Variants in TACR3 observed in about 807,000 individuals in gnomAD.
TACR3 encodes the protein tachykinin receptor 3.
TACR3 carries 34 observed loss-of-function variants against 35.0 expected under a neutral mutation model. The ratio of observed to expected loss-of-function variants is 0.97; its 90% CI spans 0.74 to 1.30. The LOEUF (loss-of-function observed/expected upper bound fraction) is 1.30, where lower values mean the gene tolerates loss of function less well. Among genes scored for constraint, TACR3 ranks in the 50% most tolerant of loss-of-function variants. The pLI is 0.00. For missense variants in TACR3, 558 were observed against 591.7 expected (o/e 0.94, Z 0.59); for synonymous variants, 233 against 221.1 (o/e 1.05, Z -0.48).
chr4:103,711,475 G>T (rs1311511363), intron 1 of TACR3, among the ~76,000 whole-genome samples: 1 of 152,098 alleles, frequency 6.6e-6, no homozygotes, highest in Non-Finnish European at 1.5e-5. Context: ...AATAAATTAG[G>T]TATTAATGGG....
At chr4:103,615,765 C>G (rs1389563766) in intron 3 of TACR3, among the ~76,000 whole-genome samples, 2 of 152,006 alleles carry the variant, frequency 1.3e-5, no homozygotes, top group African/African-American at 4.8e-5. Flanking sequence ...TACACAGACT[C>G]TAATGGCAAT....
chr4:103,689,366 A>G (rs963917730), intron 1 of TACR3, among the ~76,000 whole-genome samples: 1 of 152,074 alleles, frequency 6.6e-6, no homozygotes, highest in African/African-American at 2.4e-5. Flanking sequence ...TAACCTGCAC[A>G]TTGTGCACAT....
chr4:103,717,616 A>T (rs1350939797), intron 1 of TACR3, among the ~76,000 whole-genome samples: 4 of 152,136 alleles, frequency 2.6e-5, no homozygotes, highest in Non-Finnish European at 5.9e-5. Context: ...TTTCAAGAAG[A>T]CTGTAAGAAT....
intron 1 of TACR3, among the ~76,000 whole-genome samples, chr4:103,670,953 T>A (rs1726045446): frequency 6.6e-6 from 1 of 152,054 alleles, no homozygotes. Flanking sequence ...GTTTGTTACA[T>A]ATCGCCTTTA....
At chr4:103,635,101 T>C (rs773755278) in intron 3 of TACR3, among the ~76,000 whole-genome samples, 3 of 152,044 alleles carry the variant, frequency 2.0e-5, no homozygotes, top group Non-Finnish European at 4.4e-5. Flanking sequence ...CTACATTATA[T>C]ATGCACACAT....
chr4:103,715,629 TTAAA>T (rs1723073605), intron 1 of TACR3, among the ~76,000 whole-genome samples: 2 of 152,188 alleles, frequency 1.3e-5, no homozygotes, highest in African/African-American at 4.8e-5. Context: ...AAATATTTAA[TTAAA>T]TACTCAGATC....
intron 3 of TACR3, among the ~76,000 whole-genome samples, chr4:103,604,121 G>C (rs1241338898): frequency 6.6e-6 from 1 of 152,138 alleles, no homozygotes; most frequent in East Asian, 1.9e-4. Context: ...GAGGCATCAG[G>C]CTGCTTGACT....
In TACR3 at chr4:103,586,596, T is replaced by C. The variant is rs1361559019; in HGVS notation, c.*3086A>G. The C allele has an allele frequency of 2.6e-5, 4 of 152,132 alleles. No individual in the cohort carries two copies. In the South Asian group the frequency reaches 8.3e-4, roughly 31 times the overall value. 9.4% of individuals were successfully genotyped at this position (152,132 alleles called of 1,614,324 possible). A position where few individuals can be genotyped will look rare whatever the true frequency, so the allele number is the denominator to read the frequency against. On this transcript the variant is annotated 3_prime_UTR_variant, in exon 5 of 5. Transcript: ENST00000304883. ...ATACCAAGCTTCTTGGTATTCTTTA[T>C]GTGCTTTGTAAGGGCGGGGTTCACT...
intron 1 of TACR3, among the ~76,000 whole-genome samples, chr4:103,700,897 C>A (rs1194667707): frequency 2.6e-5 from 4 of 152,094 alleles, no homozygotes; most frequent in Non-Finnish European, 5.9e-5. Flanking sequence ...TGGGACGTAT[C>A]TCAAAATAAT....
At chr4:103,690,358 G>A (rs1722374471) in intron 1 of TACR3, among the ~76,000 whole-genome samples, 1 of 151,950 alleles carries the variant, frequency 6.6e-6, no homozygotes, top group East Asian at 1.9e-4. Context: ...AAGAAATGAA[G>A]TGGCAACATT....
chr4:103,615,394 TGTGTGAGAGAGAGAGAGA>T (rs1380806219), intron 3 of TACR3, among the ~76,000 whole-genome samples: 3 of 98,906 alleles, frequency 3.0e-5, no homozygotes, highest in African/African-American at 1.2e-4. Flanking sequence ...TGTGTGTGTG[TGTGTGAGAGAGAGAGAGA>T]GAGAGAGAGA....
chr4:103,696,158 G>C (rs1722516578), intron 1 of TACR3, among the ~76,000 whole-genome samples: 1 of 152,046 alleles, frequency 6.6e-6, no homozygotes, highest in South Asian at 2.1e-4. Context: ...TAGGCAATTA[G>C]GCTGTGATTT....
At chr4:103,690,794 AC>A in intron 1 of TACR3, among the ~76,000 whole-genome samples, 1 of 152,198 alleles carries the variant, frequency 6.6e-6, no homozygotes, top group South Asian at 2.1e-4. Context: ...TACAAAAATA[AC>A]AACTGTGTGA....
chr4:103,637,778 T>C (rs1008010580), intron 3 of TACR3, among the ~76,000 whole-genome samples: 1 of 152,114 alleles, frequency 6.6e-6, no homozygotes, highest in Non-Finnish European at 1.5e-5. Flanking sequence ...ATCACAAGCA[T>C]TCTTATACAC....
chr4:103,642,975 G>C (rs1725387427), intron 3 of TACR3, among the ~76,000 whole-genome samples: 1 of 151,680 alleles, frequency 6.6e-6, no homozygotes, highest in African/African-American at 2.4e-5. Context: ...TTTCAAAAAG[G>C]CAAGTGAATT....
rs1180699453 is a variant in TACR3, at chr4:103,586,888, T to G, written c.*2794A>C. 2.6e-5 allele frequency: 4 copies of G among 152,114 alleles called. No homozygotes were observed. Among genetic ancestry groups the G allele is most frequent in the African/African-American group, 4.8e-5 (2 of 41,398 alleles). 9.4% of individuals were successfully genotyped at this position (152,114 alleles called of 1,614,324 possible). ...TAAGCAATGTTTATTTTTGATTTAATGTATTTTGTTTAAAAGAGAATACTT... is the reference window on the plus strand; with the variant it reads ...TAAGCAATGTTTATTTTTGATTTAAGGTATTTTGTTTAAAAGAGAATACTT... On this transcript the variant is annotated 3_prime_UTR_variant, in exon 5 of 5. Coordinates refer to ENST00000304883, the MANE Select transcript of TACR3 (RefSeq NM_001059.3).
At chr4:103,637,360 C>A (rs1725216749) in intron 3 of TACR3, among the ~76,000 whole-genome samples, 1 of 152,144 alleles carries the variant, frequency 6.6e-6, no homozygotes, top group Non-Finnish European at 1.5e-5. Context: ...TCAATAGATG[C>A]AGGAAAGGCC....
intron 1 of TACR3, among the ~76,000 whole-genome samples, chr4:103,695,096 T>A (rs1722492590): frequency 6.6e-6 from 1 of 152,232 alleles, no homozygotes; most frequent in Non-Finnish European, 1.5e-5. Flanking sequence ...ATTAATAATT[T>A]AAGTTCCATC....
At chr4:103,690,438 T>C (rs574487891) in intron 1 of TACR3, among the ~76,000 whole-genome samples, 5 of 152,128 alleles carry the variant, frequency 3.3e-5, no homozygotes, top group East Asian at 1.9e-4. Flanking sequence ...TAGAAAGAGA[T>C]ACAGACACAA....
Sources: allele counts gnomAD v4.1 joint callset (sites outside exome capture counted in the v4.1 genomes callset), GRCh38; gene constraint gnomAD v4.1.1; transcripts MANE v1.5; gene names NCBI Gene and HGNC (gene_info 2026-07-23, HGNC 2026-07-21).